The following DMGDH variants were observed in gnomAD, a reference collection of about 807,000 sequenced individuals.
DMGDH encodes dimethylglycine dehydrogenase, mitochondrial.
A neutral mutation model predicts 95.2 loss-of-function variants in DMGDH; 76 were observed. The ratio of observed to expected loss-of-function variants is 0.80; its 90% CI spans 0.66 to 0.97. DMGDH has a LOEUF of 0.97. Among genes scored for constraint, DMGDH ranks in the 50% least tolerant of loss-of-function variants. The probability of loss-of-function intolerance (pLI) is 0.00; values close to 1 mark genes in which losing one functional copy is unlikely to be tolerated. For synonymous variants in DMGDH, 345 were observed against 377.6 expected (o/e 0.91, Z 1.00); for missense variants, 987 against 1,055.0 (o/e 0.94, Z 0.89).
chr5:79,056,339 C>A (rs1189304629), intron 2 of DMGDH, among the ~76,000 whole-genome samples: 2 of 151,672 alleles, frequency 1.3e-5, no homozygotes, highest in African/African-American at 4.8e-5. Flanking sequence ...GGTGAAACCC[C>A]GTCTCTATTA....
intron 14 of DMGDH, 125 bp from the exon 15 acceptor site, chr5:79,005,532 T>C: frequency 1.5e-6 from 2 of 1,306,128 alleles, no homozygotes; most frequent in Non-Finnish European, 1.1e-6. Context: ...AAAATACAGA[T>C]CGGATCATAT....
chr5:79,032,614 A>G (rs1754210951), intron 9 of DMGDH, 73 bp downstream of exon 9: 2 of 1,595,850 alleles, frequency 1.3e-6, no homozygotes, highest in Non-Finnish European at 8.6e-7. Context: ...TGTAAGGCAG[A>G]ATCAGCGCTT....
intron 1 of DMGDH, among the ~76,000 whole-genome samples, chr5:79,065,748 C>T (rs1194241218): frequency 6.6e-6 from 1 of 152,134 alleles, no homozygotes; most frequent in Non-Finnish European, 1.5e-5. Flanking sequence ...ACCGGCAGCA[C>T]AGTAGGTTTG....
At chr5:79,039,208 G>T (rs1019959759) in intron 7 of DMGDH, among the ~76,000 whole-genome samples, 1 of 151,882 alleles carries the variant, frequency 6.6e-6, no homozygotes, top group Admixed American at 6.6e-5. Flanking sequence ...CCATTACTGG[G>T]TATATACCCA....
chr5:79,069,151 G>T (rs1238893255), intron 1 of DMGDH, among the ~76,000 whole-genome samples: 3 of 124,642 alleles, frequency 2.4e-5, no homozygotes, highest in Non-Finnish European at 5.7e-5. Context: ...AAAGGAACAA[G>T]GCAAGTCAGT....
At chr5:79,040,874 G>C (rs1754489642) in intron 7 of DMGDH, among the ~76,000 whole-genome samples, 1 of 152,152 alleles carries the variant, frequency 6.6e-6, no homozygotes, top group African/African-American at 2.4e-5. Context: ...CCACATGCCT[G>C]CATATGGACT....
chr5:79,028,639 T>A lies in DMGDH; in HGVS notation c.1826A>T (p.Glu609Val), dbSNP rs371778992. The A allele has an allele frequency of 1.2e-6, 2 of 1,614,072 alleles. No individual in the cohort carries two copies. The highest frequency in any genetic ancestry group is 2.7e-5 in the African/African-American group (2 of 74,936). Reference protein sequence around the residue: ...SELHDLRWIEEEAVKGGYDVE... With the variant: ...SELHDLRWIEVEAVKGGYDVE... ...ATCATATCCACCTTTGACTGCTTCT[T>A]CTTCAATCCATCTGCGTTTTAGTCA... Residue 609 changes from glutamate (E) to valine (V), a missense_variant, in exon 12 of 16, where the codon GAA (glutamate) becomes GTA (valine). By Grantham distance (121) the Glu-to-Val change is moderately radical (BLOSUM62 -2). Coordinates refer to ENST00000255189, the MANE Select transcript of DMGDH (RefSeq NM_013391.3).
At chr5:79,034,823 C>T (rs779561863) in intron 7 of DMGDH, among the ~76,000 whole-genome samples, 3 of 151,872 alleles carry the variant, frequency 2.0e-5, no homozygotes, top group Non-Finnish European at 4.4e-5. Context: ...TTTGGGAGGC[C>T]GAGACGGGCG....
chr5:79,041,662 A>G (rs1006936985), intron 7 of DMGDH, among the ~76,000 whole-genome samples: 10 of 152,218 alleles, frequency 6.6e-5, no homozygotes, highest in African/African-American at 2.2e-4. Flanking sequence ...GCATAAAACC[A>G]GAAACAGTTA....
chr5:79,030,946 G>A lies in DMGDH; in HGVS notation c.1570C>T (p.Gln524Ter). 1 of 1,614,128 alleles carries A rather than the reference G, an allele frequency of 6.2e-7. No individual in the cohort carries two copies. Among genetic ancestry groups the A allele is most frequent in the Non-Finnish European group, 8.5e-7 (1 of 1,180,018 alleles). Residue 524 changes from glutamine to a stop codon, truncating the protein, a stop_gained, in exon 10 of 16, where the codon CAG becomes TAG. Transcript: ENST00000255189. LOFTEE classifies it high-confidence loss of function. ...GTTACCGCTACTCTTTGCATAACCT[G>A]TTTATACTCCGAGCCCACAGGCTCA... ...WFEPVGSEYK[Q>*]VMQRVAVTDL... is the part of the protein sequence containing the mutation.
intron 2 of DMGDH, among the ~76,000 whole-genome samples, chr5:79,060,901 A>G (rs1755185906): frequency 1.4e-5 from 2 of 139,028 alleles, no homozygotes; most frequent in South Asian, 2.3e-4. Flanking sequence ...CTGGCAACAG[A>G]GTGAGACTCT....
intron 7 of DMGDH, 146 bp downstream of exon 7, chr5:79,042,137 G>A (rs1754526228): frequency 1.3e-6 from 1 of 772,704 alleles, no homozygotes; most frequent in Non-Finnish European, 2.2e-6. Context: ...TCATGAAAGG[G>A]AGAAAACTCT....
intron 14 of DMGDH, among the ~76,000 whole-genome samples, chr5:79,006,446 C>T (rs183642675): frequency 1.3e-5 from 2 of 152,206 alleles, no homozygotes; most frequent in East Asian, 3.9e-4. Flanking sequence ...GAGTGAGCGC[C>T]CTGGAGGGAG....
chr5:79,029,234 T>G (rs1211218834), intron 11 of DMGDH, among the ~76,000 whole-genome samples: 1 of 152,208 alleles, frequency 6.6e-6, no homozygotes, highest in Admixed American at 6.5e-5. Context: ...TACACAAAGC[T>G]AAGCTATTAA....
intron 8 of DMGDH, 41 bp from the exon 9 acceptor site, chr5:79,032,881 A>G: frequency 6.2e-7 from 1 of 1,610,316 alleles, no homozygotes; most frequent in Non-Finnish European, 8.5e-7. Flanking sequence ...CATATAGCCA[A>G]AACAACAAGA....
intron 2 of DMGDH, among the ~76,000 whole-genome samples, chr5:79,061,249 A>G (rs923088248): frequency 1.4e-5 from 2 of 147,560 alleles, no homozygotes; most frequent in Admixed American, 6.7e-5. Flanking sequence ...ACACACACAC[A>G]CACACACACA....
chr5:79,042,990 C>A (rs1754558971), intron 6 of DMGDH, among the ~76,000 whole-genome samples: 1 of 152,200 alleles, frequency 6.6e-6, no homozygotes, highest in Admixed American at 6.5e-5. Flanking sequence ...TGGAGGCCTC[C>A]TTCCTCCAGC....
chr5:79,000,805 A>T (rs1753439288), intron 15 of DMGDH: 1 of 635,058 alleles, frequency 1.6e-6, no homozygotes, highest in Non-Finnish European at 2.9e-6. Context: ...AGGGACACAA[A>T]GCAGGTACTC....
intron 14 of DMGDH, among the ~76,000 whole-genome samples, chr5:79,010,502 C>G (rs1226639077): frequency 1.3e-5 from 2 of 152,090 alleles, no homozygotes; most frequent in Non-Finnish European, 2.9e-5. Flanking sequence ...AAAATCTACT[C>G]ATCTTTCAAA....
Sources: allele counts gnomAD v4.1 joint callset (sites outside exome capture counted in the v4.1 genomes callset), GRCh38; gene constraint gnomAD v4.1.1; transcripts MANE v1.5; gene names NCBI Gene and HGNC (gene_info 2026-07-23, HGNC 2026-07-21).